Variants in ZNF407 observed in about 807,000 individuals in gnomAD.
The protein encoded by ZNF407 is zinc finger protein 407.
In ZNF407, 17 loss-of-function variants were observed where a neutral mutation model predicts 131.2. The ratio of observed to expected loss-of-function variants is 0.13; its 90% CI spans 0.09 to 0.19. The LOEUF (loss-of-function observed/expected upper bound fraction) is 0.19, where lower values mean the gene tolerates loss of function less well. ZNF407 is among the 10% of genes least tolerant of loss of function. ZNF407 has a pLI of 1.00. For synonymous variants in ZNF407, 1,156 were observed against 1,062.0 expected (o/e 1.09, Z -1.72); for missense variants, 2,681 against 2,830.6 (o/e 0.95, Z 1.20).
chr18:74,968,817 G>A (rs536289872), intron 8 of ZNF407, among the ~76,000 whole-genome samples: 39 of 152,184 alleles, frequency 2.6e-4, no homozygotes, highest in Non-Finnish European at 4.0e-4. Context: ...GGTATTTGTC[G>A]TTCACCAAAG....
intron 7 of ZNF407, among the ~76,000 whole-genome samples, chr18:74,908,583 T>C (rs1971627099): frequency 6.6e-6 from 1 of 152,230 alleles, no homozygotes; most frequent in Non-Finnish European, 1.5e-5. Context: ...GTTGATAACA[T>C]GTTCCCTTTT....
intron 3 of ZNF407, among the ~76,000 whole-genome samples, chr18:74,699,209 A>G (rs1480145149): frequency 6.6e-6 from 1 of 152,188 alleles, no homozygotes; most frequent in Non-Finnish European, 1.5e-5. Context: ...CATTGCAAAG[A>G]TAAGATCTGC....
At chr18:75,029,658 A>G (rs1466141962) in intron 8 of ZNF407, among the ~76,000 whole-genome samples, 2 of 152,224 alleles carry the variant, frequency 1.3e-5, no homozygotes, top group Admixed American at 6.5e-5. Flanking sequence ...TGCGCAGGGC[A>G]TGCGCAGGGG....
At chr18:74,839,090 T>C (rs1314601757) in intron 4 of ZNF407, among the ~76,000 whole-genome samples, 1 of 152,026 alleles carries the variant, frequency 6.6e-6, no homozygotes, top group Non-Finnish European at 1.5e-5. Flanking sequence ...ATTTCTTGTT[T>C]ATCTATTGTA....
rs969362 is a variant in ZNF407, at chr18:74,988,964, C to T, written c.5428+68272C>T. Among the ~76,000 whole-genome samples, 1,115 of 152,182 alleles carry T rather than the reference C, an allele frequency of 7.3e-3. 40 individuals are homozygous for T. In the East Asian group the frequency reaches 0.092, roughly 13 times the overall value. The stretch of plus-strand genomic sequence containing the variant: ...CTATCCACTATATAACCTAGCCATC[C>T]GACTCCTAGGTTTTTAACCAAAATA... On this transcript the variant is annotated intron_variant, in intron 8 of 8. Coordinates refer to ENST00000299687, the MANE Select transcript of ZNF407 (RefSeq NM_017757.3).
intron 3 of ZNF407, among the ~76,000 whole-genome samples, chr18:74,759,284 T>C (rs1214461737): frequency 2.0e-5 from 3 of 152,194 alleles, no homozygotes; most frequent in Non-Finnish European, 4.4e-5. Flanking sequence ...TTTTTCTGTT[T>C]AGCATTTGAC....
At chr18:74,643,401 G>C (rs1984814407) in intron 3 of ZNF407, among the ~76,000 whole-genome samples, 1 of 151,960 alleles carries the variant, frequency 6.6e-6, no homozygotes, top group Non-Finnish European at 1.5e-5. Flanking sequence ...CTATAATTTT[G>C]TCACAAACAG....
chr18:74,863,388 T>C (rs1003843194), intron 4 of ZNF407, among the ~76,000 whole-genome samples: 1 of 152,050 alleles, frequency 6.6e-6, no homozygotes, highest in Non-Finnish European at 1.5e-5. Flanking sequence ...TGGGGAGATA[T>C]ACAACACACA....
chr18:74,874,021 C>T (rs937242855), intron 4 of ZNF407, among the ~76,000 whole-genome samples: 8 of 152,090 alleles, frequency 5.3e-5, no homozygotes, highest in Admixed American at 5.2e-4. Context: ...TCTAGTGAAG[C>T]CCAAGGAAAG....
chr18:74,921,762 G>A (rs1012917241), intron 8 of ZNF407, among the ~76,000 whole-genome samples: 3 of 152,176 alleles, frequency 2.0e-5, no homozygotes, highest in African/African-American at 7.2e-5. Context: ...GCCTATCTGT[G>A]CCATATGATG....
intron 7 of ZNF407, among the ~76,000 whole-genome samples, chr18:74,890,644 C>T (rs935117135): frequency 6.6e-6 from 1 of 152,254 alleles, no homozygotes; most frequent in East Asian, 1.9e-4. Context: ...GAGTATAGCA[C>T]TCATTTATGG....
chr18:74,839,854 G>A (rs1268024905), intron 4 of ZNF407, among the ~76,000 whole-genome samples: 1 of 152,190 alleles, frequency 6.6e-6, no homozygotes, highest in Non-Finnish European at 1.5e-5. Context: ...ATCAGTCATA[G>A]TGATATTTAC....
chr18:74,739,833 G>A (rs1309045981), intron 3 of ZNF407, among the ~76,000 whole-genome samples: 1 of 152,068 alleles, frequency 6.6e-6, no homozygotes, highest in Non-Finnish European at 1.5e-5. Flanking sequence ...CACGGAATTA[G>A]GGGAAATTCT....
At chr18:75,051,749 T>G (rs2052472489) in intron 8 of ZNF407, among the ~76,000 whole-genome samples, 1 of 152,192 alleles carries the variant, frequency 6.6e-6, no homozygotes, top group South Asian at 2.1e-4. Context: ...TGTCGGGACT[T>G]ATTCCAGCCA....
intron 3 of ZNF407, among the ~76,000 whole-genome samples, chr18:74,689,135 T>C (rs1393960022): frequency 1.3e-5 from 2 of 152,142 alleles, no homozygotes. Flanking sequence ...GCCTATATCT[T>C]TCTATTTTAT....
At chr18:75,056,514 A>C (rs1973564036) in intron 8 of ZNF407, among the ~76,000 whole-genome samples, 1 of 152,236 alleles carries the variant, frequency 6.6e-6, no homozygotes, top group Non-Finnish European at 1.5e-5. Flanking sequence ...ACTTGATTGG[A>C]GTTTTCCCTT....
chr18:74,906,107 C>G (rs532424001), intron 7 of ZNF407, among the ~76,000 whole-genome samples: 1 of 152,294 alleles, frequency 6.6e-6, no homozygotes, highest in African/African-American at 2.4e-5. Flanking sequence ...GCACTTCTCT[C>G]TTCCCGTTTT....
intron 8 of ZNF407, among the ~76,000 whole-genome samples, chr18:74,941,445 G>C (rs1309679285): frequency 6.6e-6 from 1 of 152,182 alleles, no homozygotes; most frequent in African/African-American, 2.4e-5. Context: ...CCAGCTTGTA[G>C]TAGGTTTTCT....
At chr18:74,836,735 G>A (rs1387767133) in intron 4 of ZNF407, among the ~76,000 whole-genome samples, 1 of 152,182 alleles carries the variant, frequency 6.6e-6, no homozygotes, top group African/African-American at 2.4e-5. Context: ...CAGAGGCTTT[G>A]TGGAATGCTT....
Sources: gnomAD v4.1 joint callset for allele counts (sites outside exome capture counted in the v4.1 genomes callset) on GRCh38, gnomAD v4.1.1 for gene constraint, MANE v1.5 for transcripts, NCBI Gene and HGNC (gene_info 2026-07-23, HGNC 2026-07-21) for gene names.